The following FHIT variants were observed in gnomAD, a reference collection of about 807,000 sequenced individuals.
FHIT encodes fragile histidine triad diadenosine triphosphatase.
FHIT carries 19 observed loss-of-function variants against 17.9 expected under a neutral mutation model. The observed-to-expected ratio is 1.06, with a 90% CI of 0.74 to 1.56. The LOEUF is 1.56. Among genes scored for constraint, FHIT ranks in the 40% most tolerant of loss-of-function variants. The pLI, the probability that FHIT is intolerant of heterozygous loss-of-function variation, is 0.00. For synonymous variants in FHIT, 81 were observed against 69.7 expected, an observed-to-expected ratio of 1.16 and a Z score of -0.81; for missense variants, 248 against 189.2, an observed-to-expected ratio of 1.31 and a Z score of -1.82.
chr3:60,436,352 TACC>T (rs528494462), intron 5 of FHIT, among the ~76,000 whole-genome samples: 61 of 152,192 alleles, frequency 4.0e-4, no homozygotes, highest in African/African-American at 1.4e-3. Flanking sequence ...ACCCAGCCAG[TACC>T]ACATTTTCTT....
intron 2 of FHIT, among the ~76,000 whole-genome samples, chr3:61,078,862 C>T (rs1285983412): frequency 6.6e-6 from 1 of 151,980 alleles, no homozygotes. Context: ...TTTTGTAATC[C>T]ACTGATTTCT....
chr3:60,226,398 G>C (rs1704199097), intron 5 of FHIT, among the ~76,000 whole-genome samples: 1 of 150,660 alleles, frequency 6.6e-6, no homozygotes, highest in Non-Finnish European at 1.5e-5. Flanking sequence ...CTTGAACCCG[G>C]GAGGCGGAGG....
chr3:60,359,701 G>T (rs1020372439), intron 5 of FHIT, among the ~76,000 whole-genome samples: 1 of 152,148 alleles, frequency 6.6e-6, no homozygotes, highest in African/African-American at 2.4e-5. Flanking sequence ...TTATCATCTG[G>T]GCTTTATCTT....
chr3:61,078,710 T>C (rs1440488752), intron 2 of FHIT, among the ~76,000 whole-genome samples: 1 of 152,204 alleles, frequency 6.6e-6, no homozygotes, highest in African/African-American at 2.4e-5. Flanking sequence ...CACAATGACC[T>C]GACTTTAAAC....
intron 5 of FHIT, among the ~76,000 whole-genome samples, chr3:60,295,557 G>A (rs765397560): frequency 3.3e-5 from 5 of 152,112 alleles, no homozygotes; most frequent in Non-Finnish European, 5.9e-5. Context: ...ATTGCTACCC[G>A]GACAGCACTA....
chr3:60,042,125 C>T (rs1701466165), intron 5 of FHIT, among the ~76,000 whole-genome samples: 1 of 152,160 alleles, frequency 6.6e-6, no homozygotes, highest in Non-Finnish European at 1.5e-5. Flanking sequence ...TTGCAGATGG[C>T]TGGAAGATAG....
intron 8 of FHIT, among the ~76,000 whole-genome samples, chr3:59,919,588 TAA>T (rs893436246): frequency 2.0e-5 from 3 of 152,212 alleles, no homozygotes; most frequent in African/African-American, 7.2e-5. Flanking sequence ...CTAACCATCT[TAA>T]AACAGTGCCT....
intron 1 of FHIT, among the ~76,000 whole-genome samples, chr3:61,215,480 C>T (rs1187055572): frequency 1.3e-5 from 2 of 152,076 alleles, no homozygotes. Flanking sequence ...AACCACTGCT[C>T]AATGAAATAA....
intron 5 of FHIT, among the ~76,000 whole-genome samples, chr3:60,534,094 A>C (rs1206109505): frequency 6.6e-6 from 1 of 152,168 alleles, no homozygotes; most frequent in Non-Finnish European, 1.5e-5. Context: ...TCAGGACAAA[A>C]GACTAGAGCT....
intron 3 of FHIT, among the ~76,000 whole-genome samples, chr3:60,977,738 G>A (rs991302442): frequency 2.0e-5 from 3 of 152,106 alleles, no homozygotes; most frequent in African/African-American, 7.2e-5. Context: ...AGGTGTGGTG[G>A]CGCATGCCTG....
At chr3:59,856,780 T>C (rs1702174878) in intron 8 of FHIT, among the ~76,000 whole-genome samples, 1 of 151,924 alleles carries the variant, frequency 6.6e-6, no homozygotes, top group Non-Finnish European at 1.5e-5. Flanking sequence ...AAGTAAACAA[T>C]ATAAAGCCCT....
At chr3:59,952,998 G>A (rs895795098) in intron 7 of FHIT, among the ~76,000 whole-genome samples, 2 of 151,680 alleles carry the variant, frequency 1.3e-5, no homozygotes, top group Admixed American at 1.3e-4. Context: ...CTCTTTCCAT[G>A]TCTGCTTGTG....
chr3:60,055,940 T>C (rs921906975), intron 5 of FHIT, among the ~76,000 whole-genome samples: 1 of 152,192 alleles, frequency 6.6e-6, no homozygotes, highest in Non-Finnish European at 1.5e-5. Context: ...AAGATGAATA[T>C]TTTGGATAAT....
At chr3:60,101,673 T>G (rs189257083) in intron 5 of FHIT, among the ~76,000 whole-genome samples, 16 of 152,340 alleles carry the variant, frequency 1.1e-4, no homozygotes. Flanking sequence ...TCTTTGGCAT[T>G]GTACCCCCTA....
At chr3:60,829,699 G>T (rs2106809091) in intron 3 of FHIT, among the ~76,000 whole-genome samples, 1 of 152,164 alleles carries the variant, frequency 6.6e-6, no homozygotes. Context: ...TTGTCAGATG[G>T]ATGAAGAATA....
At chr3:59,842,336 T>C (rs1331031305) in intron 8 of FHIT, among the ~76,000 whole-genome samples, 1 of 152,234 alleles carries the variant, frequency 6.6e-6, no homozygotes, top group East Asian at 1.9e-4. Context: ...CTTCTACTTC[T>C]TGGCTATTAT....
At chr3:60,159,967 CA>C (rs1700866089) in intron 5 of FHIT, among the ~76,000 whole-genome samples, 1 of 152,180 alleles carries the variant, frequency 6.6e-6, no homozygotes, top group Non-Finnish European at 1.5e-5. Context: ...GTTCCAAATA[CA>C]AACAAGGCAG....
rs114252506 is a variant in FHIT, at chr3:60,159,170, G to A, written c.104-145018C>T. 4.8e-3 allele frequency among the ~76,000 whole-genome samples: 732 copies of A among 152,196 alleles called. 2 individuals are homozygous for A. The highest frequency in any genetic ancestry group is 8.6e-3 in the Non-Finnish European group (588 of 68,022). ...GGGTCTCACTTTGTTGCCCAGGCGG[G>A]AGTGCAGTAACCCGATCATGGCTCT... On this transcript the variant is annotated intron_variant, in intron 5 of 9. Coordinates refer to ENST00000492590, the MANE Select transcript of FHIT (RefSeq NM_002012.4).
chr3:61,200,570 T>C (rs1309052606), intron 2 of FHIT, 47 bp downstream of exon 2: 2 of 152,634 alleles, frequency 1.3e-5, no homozygotes, highest in African/African-American at 2.4e-5. Flanking sequence ...GAAAAATCAA[T>C]GTTGTAAAGG....
Sources: gnomAD v4.1 joint callset for allele counts (sites outside exome capture counted in the v4.1 genomes callset) on GRCh38, gnomAD v4.1.1 for gene constraint, MANE v1.5 for transcripts, NCBI Gene and HGNC (gene_info 2026-07-23, HGNC 2026-07-21) for gene names.